Variants in GNB5 observed in about 807,000 individuals in gnomAD.
GNB5 encodes the protein G protein subunit beta 5, also known as guanine nucleotide-binding protein subunit beta-5.
Under a neutral mutation model 55.3 loss-of-function variants are expected in GNB5, and 37 were observed. The ratio of observed to expected loss-of-function variants is 0.67; its 90% CI spans 0.51 to 0.88. GNB5 has a LOEUF of 0.88. GNB5 is among the 40% of genes least tolerant of loss of function. The probability of loss-of-function intolerance (pLI) is 0.00; values close to 1 mark genes in which losing one functional copy is unlikely to be tolerated. For missense variants in GNB5, 476 were observed against 515.3 expected (o/e 0.92, Z 0.74); for synonymous variants, 219 against 198.5 (o/e 1.10, Z -0.87).
At position 52,124,653 on chromosome 15, in the gene GNB5, G is replaced by GTC. The variant is rs1566931340; in HGVS notation, c.1010-15_1010-14insGA. 1.2e-6 allele frequency: 2 copies of GTC among 1,610,828 alleles called. No homozygotes were observed. The highest frequency in any genetic ancestry group is 4.5e-5 in the East Asian group (2 of 44,876). On this transcript the variant is annotated splice_polypyrimidine_tract_variant and intron_variant, in intron 11 of 12. Transcript: ENST00000261837. ...ACAGCAGGCGACCTTGAAGCAGGGTGAGATGATAGCTGTTAAGCCAGTTCC... is the reference window on the plus strand; with the variant it reads ...ACAGCAGGCGACCTTGAAGCAGGGTGTCAGATGATAGCTGTTAAGCCAGTTCC...
intron 9 of GNB5, chr15:52,128,944 A>G: frequency 4.1e-6 from 1 of 242,112 alleles, no homozygotes; most frequent in Non-Finnish European, 8.1e-6. Context: ...CACACCTTCC[A>G]TTGTTTCTCC....
At chr15:52,147,686 A>C in intron 5 of GNB5, 151 bp from the exon 6 acceptor site, 1 of 436,118 alleles carries the variant, frequency 2.3e-6, no homozygotes, top group South Asian at 2.9e-5. Context: ...TCCGGGGTTC[A>C]AGCAATTCTC....
intron 2 of GNB5, among the ~76,000 whole-genome samples, chr15:52,182,406 C>T (rs200303433): frequency 1.3e-5 from 2 of 152,138 alleles, no homozygotes; most frequent in East Asian, 3.8e-4. Context: ...ACCTGAGGCA[C>T]GTGGTACTTC....
rs536792407 is a variant in GNB5 at position 52,128,954 on chromosome 15, C to CTT, written c.864-712_864-711dup. ...TTCCCCACACCTTCCATTGTTTCTC[C>CTT]TTTTTTTTTTTTTTTTTTTGAGACT... is the stretch of plus-strand genomic sequence containing the variant. On this transcript the variant is annotated intron_variant, in intron 9 of 12. Coordinates refer to ENST00000261837, the MANE Select transcript of GNB5 (RefSeq NM_016194.4). 1.3e-3 allele frequency among the ~76,000 whole-genome samples: 166 copies of CTT among 127,024 alleles called. 2 individuals carry two copies. The highest frequency in any genetic ancestry group is 6.0e-3 in the East Asian group (26 of 4,302). 83.3% of individuals were successfully genotyped at this position (127,024 alleles called of 152,430 possible). A position where few individuals can be genotyped will look rare whatever the true frequency, so the allele number is the denominator to read the frequency against.
rs959414892 is a variant in GNB5 at position 52,116,029 on chromosome 15, T to G, written c.*6728A>C. ...CGCTTTCTTTCTTTGTATTCCATTC[T>G]GTGGATGCGCCATATTTTGTTCATC... On this transcript the variant is annotated 3_prime_UTR_variant, in exon 13 of 13. Coordinates refer to ENST00000261837, the MANE Select transcript of GNB5 (RefSeq NM_016194.4). The G allele has an allele frequency of 2.3e-4, 35 of 152,396 alleles. No individual in the cohort carries two copies. Among genetic ancestry groups the G allele is most frequent in the African/African-American group, 8.4e-4 (35 of 41,592 alleles). 9.4% of individuals were successfully genotyped at this position (152,396 alleles called of 1,614,324 possible). A position where few individuals can be genotyped will look rare whatever the true frequency, so the allele number is the denominator to read the frequency against.
chr15:52,125,329 T>C (rs189983211), intron 11 of GNB5: 2 of 152,404 alleles, frequency 1.3e-5, no homozygotes, highest in Admixed American at 6.5e-5. Flanking sequence ...TTGCCCAGGG[T>C]GGAGTGCAGT....
chr15:52,134,403 G>A (rs1350123915), intron 8 of GNB5, among the ~76,000 whole-genome samples: 2 of 152,174 alleles, frequency 1.3e-5, no homozygotes, highest in African/African-American at 2.4e-5. Context: ...GGCCCGCTGT[G>A]GGAGTTCAGC....
intron 3 of GNB5, among the ~76,000 whole-genome samples, chr15:52,160,240 G>A (rs570878952): frequency 2.0e-5 from 3 of 152,332 alleles, no homozygotes; most frequent in Non-Finnish European, 2.9e-5. Context: ...GAGCCACTGC[G>A]CCTGGCCAGG....
At chr15:52,130,538 ATCT>A (rs1566933549) in intron 9 of GNB5, among the ~76,000 whole-genome samples, 1 of 152,236 alleles carries the variant, frequency 6.6e-6, no homozygotes, top group African/African-American at 2.4e-5. Flanking sequence ...ATTTATCAAC[ATCT>A]TCTTTTATTT....
intron 11 of GNB5, chr15:52,125,711 G>A: frequency 2.5e-6 from 1 of 399,172 alleles, no homozygotes; most frequent in Non-Finnish European, 4.5e-6. Flanking sequence ...TTGCCTTGAA[G>A]GACAGCATTA....
At chr15:52,153,808 TA>T in intron 4 of GNB5, 131 bp downstream of exon 4, 1 of 741,182 alleles carries the variant, frequency 1.3e-6, no homozygotes, top group Non-Finnish European at 2.2e-6. Context: ...TTCTTTATGC[TA>T]AATCACATCC....
At chr15:52,133,873 T>C (rs1337184416) in intron 8 of GNB5, among the ~76,000 whole-genome samples, 2 of 152,230 alleles carry the variant, frequency 1.3e-5, no homozygotes, top group African/African-American at 2.4e-5. Context: ...GGGACCTCTC[T>C]AGTTGTGACA....
chr15:52,122,889 TACACAC>T, intron 12 of GNB5, 121 bp from the exon 13 acceptor site: 1 of 716,956 alleles, frequency 1.4e-6, no homozygotes. Context: ...TATGTGTGTG[TACACAC>T]ACACACACAC....
intron 5 of GNB5, among the ~76,000 whole-genome samples, chr15:52,148,934 G>A (rs1045688912): frequency 5.3e-5 from 8 of 152,198 alleles, no homozygotes; most frequent in African/African-American, 1.9e-4. Context: ...ATCAGTCTGT[G>A]CTCTATGCCA....
intron 3 of GNB5, among the ~76,000 whole-genome samples, chr15:52,162,538 C>T (rs1185910476): frequency 3.3e-5 from 5 of 151,978 alleles, no homozygotes; most frequent in Non-Finnish European, 7.4e-5. Flanking sequence ...AGAAGACAAG[C>T]GAAATGTCTT....
intron 3 of GNB5, among the ~76,000 whole-genome samples, chr15:52,176,190 C>T (rs908379899): frequency 3.3e-5 from 5 of 152,228 alleles, no homozygotes; most frequent in South Asian, 2.1e-4. Flanking sequence ...TGGTCCTCCC[C>T]AGCCTCACCA....
rs773313961 is a variant in GNB5, at chr15:52,149,879, C to G, written c.417+5G>C. 1.2e-6 allele frequency: 2 copies of G among 1,606,628 alleles called. No individual in the cohort carries two copies. The highest frequency in any genetic ancestry group is 1.3e-5 in the African/African-American group (1 of 74,760). On this transcript the variant is annotated splice_donor_5th_base_variant and intron_variant, in intron 5 of 12. Coordinates refer to ENST00000261837, the MANE Select transcript of GNB5 (RefSeq NM_016194.4). ...TCTATAACGTGGCTGGGAACAATGC[C>G]TCACCTTGTTTGTGGTGAAGGAATC...
intron 2 of GNB5, among the ~76,000 whole-genome samples, chr15:52,181,949 A>G (rs1244725437): frequency 6.6e-6 from 1 of 152,104 alleles, no homozygotes; most frequent in East Asian, 1.9e-4. Context: ...ATTATTAAGT[A>G]TAAGATAAGA....
At chr15:52,147,166 GTTTTT>G in intron 6 of GNB5, 2 of 176,762 alleles carry the variant, frequency 1.1e-5, no homozygotes, top group Non-Finnish European at 2.3e-5. Context: ...TTATGGTTTT[GTTTTT>G]TTTTTTTTTT....
Sources: allele counts gnomAD v4.1 joint callset (sites outside exome capture counted in the v4.1 genomes callset), GRCh38; gene constraint gnomAD v4.1.1; transcripts MANE v1.5; gene names NCBI Gene and HGNC (gene_info 2026-07-23, HGNC 2026-07-21).